ANKRD26: variants seen among roughly 807,000 people sequenced by gnomAD.
ANKRD26 encodes the protein ankyrin repeat domain-containing protein 26.
In ANKRD26, 141 loss-of-function variants were observed where a neutral mutation model predicts 208.7. The ratio of observed to expected loss-of-function variants is 0.68; its 90% CI spans 0.59 to 0.78. The LOEUF (loss-of-function observed/expected upper bound fraction) is 0.78. ANKRD26 is among the 30% of genes least tolerant of loss of function. ANKRD26 has a pLI of 0.00. For synonymous variants in ANKRD26, 636 were observed against 660.4 expected, an observed-to-expected ratio of 0.96 and a Z score of 0.57; for missense variants, 1,889 against 1,938.7, an observed-to-expected ratio of 0.97 and a Z score of 0.48.
rs746385788 is a variant in ANKRD26, at chr10:27,053,288, T to C, written c.1635+32A>G. 2.0e-6 allele frequency: 3 copies of C among 1,511,224 alleles called. No individual in the cohort carries two copies. The African/African-American group carries it at 4.1e-5, about 21-fold the overall frequency. The allele number at this position is 1,511,224 out of a possible 1,614,324, so 93.6% of individuals were successfully genotyped here. ...CATCATTAAAGCAAAGAAAACAATA[T>C]TAAACCAGAAATTTTTAAAAATATA... On this transcript the variant is annotated intron_variant, in intron 16 of 33. Coordinates refer to ENST00000376087, the MANE Select transcript of ANKRD26 (RefSeq NM_014915.3).
In ANKRD26 at chr10:27,033,357, T is replaced by C. The variant is rs1444607381; in HGVS notation, c.3675A>G (p.Gln1225=). 6 of 1,610,038 alleles carry C rather than the reference T, an allele frequency of 3.7e-6. No homozygotes were observed. The highest frequency in any genetic ancestry group is 2.2e-5 in the East Asian group (1 of 44,710). ...TTTTTAGGGTATCAGCTAGTTCTTGTTGAAGTTGTCTCACAACAACCTGAT... is the reference window on the plus strand; with the variant it reads ...TTTTTAGGGTATCAGCTAGTTCTTGCTGAAGTTGTCTCACAACAACCTGAT... ...AEREVVVRQL[Q]QELADTLKKQ... is the part of the protein sequence containing the mutation. Residue 1225 remains glutamine, a synonymous_variant, in exon 25 of 34, where the codon CAA becomes CAG. Transcript: ENST00000376087.
At position 27,077,515 on chromosome 10, in the gene ANKRD26, T is replaced by C; in HGVS notation, c.900A>G (p.Arg300=). Residue 300 remains arginine (R), a synonymous_variant, in exon 9 of 34, where the codon AGA becomes AGG. Transcript: ENST00000376087. ...CCTCAAACAAAGTTCTATTTCCTGTTCTCACAGTGCCATATGTTGCTTCTA... is the reference window on the plus strand; with the variant it reads ...CCTCAAACAAAGTTCTATTTCCTGTCCTCACAGTGCCATATGTTGCTTCTA... The part of the protein sequence containing the change: ...KNLEATYGTV[R]TGNRTLFEDR... 1 of 1,613,854 alleles carries C rather than the reference T, an allele frequency of 6.2e-7. No homozygotes were observed. The highest frequency in any genetic ancestry group is 8.5e-7 in the Non-Finnish European group (1 of 1,179,936).
chr10:26,953,885 T>C, the ANKRD26 span, among the ~76,000 whole-genome samples: 54 of 152,298 alleles, frequency 3.5e-4, 1 homozygote, highest in South Asian at 0.011. Flanking sequence ...GGGACGTGCA[T>C]CAAGCAGTAC....
chr10:27,014,296 TA>T (rs76551877), intron 31 of ANKRD26, among the ~76,000 whole-genome samples, 197 bp downstream of exon 31: 281 of 140,954 alleles, frequency 2.0e-3, no homozygotes, highest in African/African-American at 4.6e-3. Context: ...CATATAAAAT[TA>T]AAAAAAAAAA....
chr10:27,040,317 C>G (rs1217884486), intron 20 of ANKRD26, 139 bp from the exon 21 acceptor site: 2 of 683,826 alleles, frequency 2.9e-6, no homozygotes, highest in Non-Finnish European at 5.0e-6. Flanking sequence ...AAACTAAGCT[C>G]TGAAGATAAA....
chr10:27,080,982 A>T, intron 6 of ANKRD26: 1 of 984,430 alleles, frequency 1.0e-6, no homozygotes, highest in Non-Finnish European at 1.2e-6. Flanking sequence ...AGATCTATGT[A>T]GTTCAGCAGC....
At chr10:27,029,436 C>T (rs1042396628) in intron 25 of ANKRD26, 80 bp from the exon 26 acceptor site, 9 of 1,345,304 alleles carry the variant, frequency 6.7e-6, no homozygotes, top group Non-Finnish European at 7.3e-6. Context: ...GTAACTAAAC[C>T]TTATCGGAAC....
intron 25 of ANKRD26, among the ~76,000 whole-genome samples, chr10:27,030,067 A>G (rs181328353): frequency 6.6e-6 from 1 of 152,368 alleles, no homozygotes; most frequent in East Asian, 1.9e-4. Context: ...CATGGCATAT[A>G]GTGAGCTATA....
chr10:27,076,418 AT>A (rs2055701097), intron 9 of ANKRD26, among the ~76,000 whole-genome samples: 1 of 151,900 alleles, frequency 6.6e-6, no homozygotes. Flanking sequence ...ACCCACCACC[AT>A]GCCTGGCTAA....
At chr10:27,049,673 A>G (rs1001607960) in intron 16 of ANKRD26, among the ~76,000 whole-genome samples, 1 of 152,194 alleles carries the variant, frequency 6.6e-6, no homozygotes, top group Non-Finnish European at 1.5e-5. Flanking sequence ...TAATTATCTA[A>G]GTTAACCTCA....
At chr10:27,043,052 C>T (rs2054314974) in intron 20 of ANKRD26, among the ~76,000 whole-genome samples, 2 of 148,924 alleles carry the variant, frequency 1.3e-5, no homozygotes, top group African/African-American at 2.5e-5. Context: ...TTCTTAAATG[C>T]GATACAAAAA....
chr10:27,007,176 GT>G (rs2052918768), intron 32 of ANKRD26, among the ~76,000 whole-genome samples: 3 of 152,072 alleles, frequency 2.0e-5, no homozygotes, highest in African/African-American at 7.2e-5. Flanking sequence ...CTGATAAAAA[GT>G]ACAATTAATA....
the ANKRD26 span, among the ~76,000 whole-genome samples, chr10:26,949,972 ATTAT>A: frequency 3.3e-5 from 5 of 152,066 alleles, no homozygotes; most frequent in Non-Finnish European, 5.9e-5. Flanking sequence ...AAAAAACCAG[ATTAT>A]TTATCCTGTG....
At position 27,005,483 on chromosome 10, in the gene ANKRD26, ATATAT is replaced by A. The variant is rs2052839372; in HGVS notation, c.*102_*106del. The A allele has an allele frequency of 6.5e-7, 1 of 1,533,744 alleles. No individual in the cohort carries two copies. Among genetic ancestry groups the A allele is most frequent in the Non-Finnish European group, 8.7e-7 (1 of 1,144,132 alleles). ...AATACTATATAAATTTTGATCTGAC[ATATAT>A]GATACAAAAATACGTTCCTTTAATA... is the stretch of plus-strand genomic sequence containing the variant. On this transcript the variant is annotated 3_prime_UTR_variant, in exon 34 of 34. Coordinates refer to ENST00000376087, the MANE Select transcript of ANKRD26 (RefSeq NM_014915.3).
At chr10:27,004,027 C>G (rs1005239973), downstream of ANKRD26, 10 of 151,906 alleles carry the variant, frequency 6.6e-5, no homozygotes, top group East Asian at 1.9e-3. Flanking sequence ...TGATTTTGAC[C>G]ATTATACTAC....
Position 27,037,228 on chromosome 10 carries a change from T to C in ANKRD26, c.2655A>G (p.Lys885=). ...QDGILTNHLS[K]QKEIEMAQKK... is the part of the protein sequence containing the mutation. ...TTTGAGCCATTTCAATCTCCTTTTGTTTGGAAAGGTGATTGGTCAGAATTC... is the reference window on the plus strand; with the variant it reads ...TTTGAGCCATTTCAATCTCCTTTTGCTTGGAAAGGTGATTGGTCAGAATTC... The change falls in exon 23 of 34, where the codon AAA becomes AAG. Residue 885 remains lysine, a synonymous_variant. Transcript: ENST00000376087. 1 of 1,613,804 alleles carries C rather than the reference T, an allele frequency of 6.2e-7. No homozygotes were observed.
intron 9 of ANKRD26, chr10:27,077,120 T>G: frequency 1.8e-6 from 1 of 566,910 alleles, no homozygotes; most frequent in Non-Finnish European, 3.1e-6. Flanking sequence ...GCAAACCGAA[T>G]CCAACAGCAC....
chr10:27,021,135 G>A (rs377136805), intron 29 of ANKRD26, among the ~76,000 whole-genome samples: 40 of 152,224 alleles, frequency 2.6e-4, no homozygotes, highest in South Asian at 8.3e-4. Context: ...AAACCTCAGC[G>A]TCTGTTGTTT....
chr10:27,053,547 T>C (rs1227114914), intron 15 of ANKRD26, among the ~76,000 whole-genome samples, 157 bp from the exon 16 acceptor site: 5 of 152,196 alleles, frequency 3.3e-5, no homozygotes, highest in East Asian at 1.9e-4. Context: ...TCTGTCGCCC[T>C]AGCTGGAGTG....
Sources: allele counts gnomAD v4.1 joint callset (sites outside exome capture counted in the v4.1 genomes callset), GRCh38; gene constraint gnomAD v4.1.1; transcripts MANE v1.5; gene names NCBI Gene and HGNC (gene_info 2026-07-23, HGNC 2026-07-21).